Variants in TBC1D8 observed in about 807,000 individuals in gnomAD.
TBC1D8 encodes the protein TBC1 domain family member 8.
Under a neutral mutation model 118.8 loss-of-function variants are expected in TBC1D8, and 65 were observed. That is an observed-to-expected ratio of 0.55 (90% CI 0.45 to 0.67). The LOEUF (loss-of-function observed/expected upper bound fraction) is 0.67. TBC1D8 is among the 30% of genes least tolerant of loss of function. TBC1D8 has a pLI of 0.00. For synonymous variants in TBC1D8, 566 were observed against 595.8 expected, an observed-to-expected ratio of 0.95 and a Z score of 0.73; for missense variants, 1,376 against 1,471.2, an observed-to-expected ratio of 0.94 and a Z score of 1.06.
In TBC1D8 at chr2:101,027,532, C is replaced by T. The variant is rs979063030; in HGVS notation, c.2452-81G>A. ...TCAGGGCAAGAGGGGACTCTTCCTC[C>T]TGAAGGGGACACAAGGAGCCCATGC... On this transcript the variant is annotated intron_variant, in intron 14 of 19. Transcript: ENST00000409318. 3 of 1,271,828 alleles carry T rather than the reference C, an allele frequency of 2.4e-6. No homozygotes were observed. In the African/African-American group the frequency reaches 4.4e-5, roughly 19 times the overall value. 78.8% of individuals were successfully genotyped at this position (1,271,828 alleles called of 1,614,324 possible). A position where few individuals can be genotyped will look rare whatever the true frequency, so the allele number is the denominator to read the frequency against.
intron 1 of TBC1D8, among the ~76,000 whole-genome samples, chr2:101,121,412 G>C (rs1678103805): frequency 6.6e-6 from 1 of 152,202 alleles, no homozygotes; most frequent in African/African-American, 2.4e-5. Context: ...CGGGGCTCAG[G>C]GAGGCTCTGT....
chr2:101,011,185 G>A (rs953033479), intron 18 of TBC1D8, 159 bp from the exon 19 acceptor site: 2 of 742,804 alleles, frequency 2.7e-6, no homozygotes, highest in African/African-American at 1.8e-5. Context: ...GAGCCAGTGG[G>A]TGGTAACTGG....
At chr2:101,137,932 G>C (rs1325922542) in intron 1 of TBC1D8, among the ~76,000 whole-genome samples, 1 of 152,232 alleles carries the variant, frequency 6.6e-6, no homozygotes, top group East Asian at 1.9e-4. Flanking sequence ...CCCGCGACTG[G>C]GTAATTTCTA....
At chr2:101,016,270 A>G (rs1679628672) in intron 17 of TBC1D8, among the ~76,000 whole-genome samples, 1 of 152,244 alleles carries the variant, frequency 6.6e-6, no homozygotes, top group Admixed American at 6.5e-5. Flanking sequence ...AAAGGATATG[A>G]ACAGACACTT....
intron 1 of TBC1D8, chr2:101,110,050 GCT>G: frequency 1.0e-6 from 1 of 980,762 alleles, no homozygotes. Context: ...CTATTTTTAG[GCT>G]CTTAGAATAA....
At chr2:101,020,787 T>C (rs577689027) in intron 17 of TBC1D8, among the ~76,000 whole-genome samples, 2 of 152,338 alleles carry the variant, frequency 1.3e-5, no homozygotes, top group South Asian at 4.1e-4. Flanking sequence ...AATCTTGCAC[T>C]GTTCCACTCC....
intron 10 of TBC1D8, 169 bp from the exon 11 acceptor site, chr2:101,032,554 A>T (rs181219753): frequency 1.9e-5 from 11 of 572,142 alleles, no homozygotes; most frequent in Non-Finnish European, 3.5e-5. Context: ...TGACAGCAAC[A>T]CAGTCCTCAC....
intron 1 of TBC1D8, among the ~76,000 whole-genome samples, chr2:101,148,318 C>T (rs1290777567): frequency 2.0e-5 from 3 of 152,178 alleles, no homozygotes; most frequent in South Asian, 2.1e-4. Context: ...AAAGTGGGAT[C>T]CATCATCCAT....
rs894677542 is a variant in TBC1D8, at chr2:101,029,789, G to A, written c.1937-13C>T. 2.1e-5 allele frequency: 34 copies of A among 1,610,046 alleles called. No homozygotes were observed. Among genetic ancestry groups the A allele is most frequent in the African/African-American group, 6.7e-5 (5 of 74,804 alleles). ...TCAACTTGTGCCCCTGGAAAAGAAA[G>A]GGCACAGGGCTCTGGCTGGGGTAGG... On this transcript the variant is annotated splice_polypyrimidine_tract_variant and intron_variant, in intron 11 of 19. Coordinates refer to ENST00000409318, the MANE Select transcript of TBC1D8 (RefSeq NM_001330348.2).
intron 2 of TBC1D8, 61 bp from the exon 3 acceptor site, chr2:101,059,600 C>A: frequency 7.3e-7 from 1 of 1,374,420 alleles, no homozygotes; most frequent in Admixed American, 1.8e-5. Flanking sequence ...ATTCCTAGAA[C>A]GTTAACTCAT....
intron 1 of TBC1D8, among the ~76,000 whole-genome samples, chr2:101,115,760 A>G (rs957908889): frequency 2.0e-5 from 3 of 152,140 alleles, no homozygotes; most frequent in African/African-American, 7.2e-5. Context: ...CAAAAAAAAA[A>G]AGATTCTGGA....
chr2:101,109,085 C>T (rs551528070), intron 1 of TBC1D8, among the ~76,000 whole-genome samples: 2 of 152,216 alleles, frequency 1.3e-5, no homozygotes, highest in East Asian at 1.9e-4. Context: ...TGCAGAGAAG[C>T]GGGGGAGAGT....
chr2:101,122,255 T>G (rs1168167948), intron 1 of TBC1D8, among the ~76,000 whole-genome samples: 1 of 150,912 alleles, frequency 6.6e-6, no homozygotes, highest in Non-Finnish European at 1.5e-5. Flanking sequence ...TATTTTTTAG[T>G]AGAAACGGGG....
chr2:101,022,284 G>A lies in TBC1D8; in HGVS notation c.2758C>T (p.Leu920Phe), dbSNP rs1297714872. The A allele has an allele frequency of 2.5e-6, 4 of 1,613,442 alleles. No homozygotes were observed. In the African/African-American group the frequency reaches 5.3e-5, roughly 22 times the overall value. ...GCGAAATCCCACAGAGGCATACCGAGGCAGCTCACAAACGCTTTGAACTCG... is the reference window on the plus strand; with the variant it reads ...GCGAAATCCCACAGAGGCATACCGAAGCAGCTCACAAACGCTTTGAACTCG... ...LIEFKAFVSC[L>F]DIMYNGEMNE... Residue 920 changes from leucine to phenylalanine, a missense_variant, in exon 16 of 20, where the codon CTC (leucine) becomes TTC (phenylalanine). By Grantham distance (22) the Leu-to-Phe change is conservative (BLOSUM62 0). Transcript: ENST00000409318.
chr2:101,135,120 C>T (rs1157575239), intron 1 of TBC1D8, among the ~76,000 whole-genome samples: 3 of 152,074 alleles, frequency 2.0e-5, no homozygotes, highest in East Asian at 3.9e-4. Context: ...TGCAGTGAGC[C>T]GAGATCGCGC....
intron 4 of TBC1D8, among the ~76,000 whole-genome samples, 171 bp from the exon 5 acceptor site, chr2:101,050,812 T>C (rs1374665900): frequency 6.6e-6 from 1 of 152,198 alleles, no homozygotes; most frequent in Non-Finnish European, 1.5e-5. Flanking sequence ...GCAATACAGG[T>C]AAACTCATGT....
intron 3 of TBC1D8, 25 bp downstream of exon 3, chr2:101,059,396 G>T: frequency 6.5e-7 from 1 of 1,537,676 alleles, no homozygotes; most frequent in Non-Finnish European, 9.0e-7. Context: ...AAGATGGGGA[G>T]AAACATGAAA....
chr2:101,024,768 C>T (rs901987279), intron 15 of TBC1D8, among the ~76,000 whole-genome samples: 4 of 152,046 alleles, frequency 2.6e-5, no homozygotes, highest in Admixed American at 1.3e-4. Flanking sequence ...TGAATATATA[C>T]GTCACCCATG....
At chr2:101,097,155 G>A (rs559492425) in intron 1 of TBC1D8, among the ~76,000 whole-genome samples, 1 of 152,020 alleles carries the variant, frequency 6.6e-6, no homozygotes, top group Non-Finnish European at 1.5e-5. Flanking sequence ...CTGCGAACAA[G>A]AGAGTGGGGT....
Sources: gnomAD v4.1 joint callset for allele counts (sites outside exome capture counted in the v4.1 genomes callset) on GRCh38, gnomAD v4.1.1 for gene constraint, MANE v1.5 for transcripts, NCBI Gene and HGNC (gene_info 2026-07-23, HGNC 2026-07-21) for gene names.